Variants in NREP observed in about 807,000 individuals in gnomAD.
The protein encoded by NREP is neuronal regeneration-related protein.
NREP carries 5 observed loss-of-function variants against 8.6 expected under a neutral mutation model. The ratio of observed to expected loss-of-function variants is 0.58; its 90% CI spans 0.30 to 1.22. The LOEUF is 1.22. Ranked by LOEUF, NREP falls within the 50% of genes most tolerant of loss-of-function variation. NREP has a pLI of 0.07. For missense variants in NREP, 86 were observed against 82.5 expected (o/e 1.04, Z -0.17); for synonymous variants, 27 against 28.0 (o/e 0.96, Z 0.11).
chr5:111,930,761 G>T (rs1317785500), intron 2 of NREP, among the ~76,000 whole-genome samples: 3 of 152,166 alleles, frequency 2.0e-5, no homozygotes, highest in Non-Finnish European at 1.5e-5. Context: ...TCTGGTCTAA[G>T]TCACTCACAG....
chr5:111,779,313 C>T (rs776977483), intron 2 of NREP, among the ~76,000 whole-genome samples: 86 of 152,126 alleles, frequency 5.7e-4, no homozygotes, highest in Non-Finnish European at 1.2e-3. Flanking sequence ...CACTTCTTTT[C>T]CCAGCTCTAG....
intron 2 of NREP, chr5:111,846,578 C>T (rs549749619): frequency 1.2e-4 from 18 of 152,032 alleles, no homozygotes; most frequent in African/African-American, 4.1e-4. Context: ...TCTTGAGCAT[C>T]TTGGTAGCAA....
intron 2 of NREP, among the ~76,000 whole-genome samples, chr5:111,871,177 A>G (rs759520748): frequency 6.6e-6 from 1 of 151,960 alleles, no homozygotes; most frequent in Non-Finnish European, 1.5e-5. Flanking sequence ...GTGTACATAC[A>G]CATAGTATAT....
At chr5:111,858,810 T>C (rs982177885) in intron 2 of NREP, among the ~76,000 whole-genome samples, 4 of 152,146 alleles carry the variant, frequency 2.6e-5, no homozygotes, top group African/African-American at 9.7e-5. Context: ...AAGATTCCTC[T>C]ACCATTATGC....
chr5:111,762,117 AAGG>A (rs1404441655), upstream of NREP, among the ~76,000 whole-genome samples: 1 of 152,118 alleles, frequency 6.6e-6, no homozygotes, highest in African/African-American at 2.4e-5. Context: ...GAAAAGAGGG[AAGG>A]AGTCAAGTTG....
intron 2 of NREP, among the ~76,000 whole-genome samples, chr5:111,968,244 A>C (rs1756700790): frequency 6.6e-6 from 1 of 152,176 alleles, no homozygotes; most frequent in Admixed American, 6.5e-5. Context: ...TTCAGGTTTA[A>C]AACACTTTCT....
chr5:111,803,963 T>C (rs1202583951), intron 2 of NREP, among the ~76,000 whole-genome samples: 1 of 152,212 alleles, frequency 6.6e-6, no homozygotes, highest in African/African-American at 2.4e-5. Flanking sequence ...TAGATTAATT[T>C]ATAACTATAA....
At chr5:111,733,428 C>G (rs961048396) in intron 3 of NREP, 3 of 152,062 alleles carry the variant, frequency 2.0e-5, no homozygotes, top group Non-Finnish European at 4.4e-5. Context: ...TGCGTTCTCC[C>G]TATGGAGTCC....
intron 2 of NREP, among the ~76,000 whole-genome samples, chr5:111,917,079 C>A (rs1247711754): frequency 6.6e-6 from 1 of 152,020 alleles, no homozygotes; most frequent in Non-Finnish European, 1.5e-5. Context: ...GTCTTGTGTC[C>A]CTTTTCCCAT....
chr5:111,971,855 C>T (rs1309386459), intron 2 of NREP, among the ~76,000 whole-genome samples: 1 of 151,496 alleles, frequency 6.6e-6, no homozygotes, highest in Admixed American at 6.6e-5. Context: ...TAATGTGACC[C>T]TGAAAGCGTG....
At chr5:111,891,556 C>T (rs74294416) in intron 2 of NREP, among the ~76,000 whole-genome samples, 7,786 of 152,214 alleles carry the variant, frequency 0.051, 474 homozygotes, top group East Asian at 0.24. Flanking sequence ...GACATTCTTG[C>T]ACTGCTATAA....
intron 2 of NREP, among the ~76,000 whole-genome samples, chr5:111,817,291 G>A (rs910741369): frequency 2.0e-5 from 3 of 152,122 alleles, no homozygotes; most frequent in South Asian, 4.2e-4. Context: ...TGCACTGGAC[G>A]GAACCTCAGT....
intron 2 of NREP, among the ~76,000 whole-genome samples, chr5:111,889,610 T>C (rs79013361): frequency 0.011 from 1,686 of 152,294 alleles, 17 homozygotes; most frequent in South Asian, 0.035. Flanking sequence ...CAAGTCTCAT[T>C]TGGAGATGAT....
chr5:111,784,821 T>C (rs1039140614), intron 2 of NREP, among the ~76,000 whole-genome samples: 3 of 152,202 alleles, frequency 2.0e-5, no homozygotes, highest in African/African-American at 7.2e-5. Flanking sequence ...ATTAAAAAGT[T>C]ATACTTTTCA....
At chr5:111,973,183 G>T (rs4957996) in intron 2 of NREP, among the ~76,000 whole-genome samples, 60,570 of 151,844 alleles carry the variant, frequency 0.4, 14,709 homozygotes, top group Non-Finnish European at 0.55. Context: ...ATAGCCCTCA[G>T]CATTTCTTCT....
intron 2 of NREP, among the ~76,000 whole-genome samples, chr5:111,779,258 C>A (rs1195721724): frequency 6.6e-6 from 1 of 152,092 alleles, no homozygotes; most frequent in Non-Finnish European, 1.5e-5. Flanking sequence ...GCATCCAGAC[C>A]TCCTAAGGGG....
chr5:111,732,670 A>AC (rs1299515587), intron 3 of NREP: 1 of 151,276 alleles, frequency 6.6e-6, no homozygotes, highest in Middle Eastern at 3.4e-3. Context: ...TAAAAAAAAA[A>AC]AAAAAAAAAG....
At chr5:111,936,364 A>G (rs1046215379) in intron 2 of NREP, among the ~76,000 whole-genome samples, 7 of 152,054 alleles carry the variant, frequency 4.6e-5, no homozygotes, top group Non-Finnish European at 7.4e-5. Flanking sequence ...TCCTGCTGCT[A>G]TGTAAGACGT....
chr5:111,932,145 G>C (rs1377479568), intron 2 of NREP, among the ~76,000 whole-genome samples: 1 of 145,288 alleles, frequency 6.9e-6, no homozygotes, highest in African/African-American at 2.5e-5. Context: ...AAAAGAAAAA[G>C]AGAAAATCTG....
Sources: gnomAD v4.1 joint callset for allele counts (sites outside exome capture counted in the v4.1 genomes callset) on GRCh38, gnomAD v4.1.1 for gene constraint, MANE v1.5 for transcripts, NCBI Gene and HGNC (gene_info 2026-07-23, HGNC 2026-07-21) for gene names.